Variants in ZNF317 observed in about 807,000 individuals in gnomAD.
The protein encoded by ZNF317 is zinc finger protein 317, also known as KRAB-containing zinc finger protein 317.
A neutral mutation model predicts 23.4 loss-of-function variants in ZNF317; 17 were observed. The observed-to-expected ratio is 0.73, with a 90% CI of 0.50 to 1.09. ZNF317 has a LOEUF of 1.09. Ranked by LOEUF, ZNF317 falls within the 50% of genes least tolerant of loss-of-function variation. The probability of loss-of-function intolerance (pLI) is 0.00; values close to 1 mark genes in which losing one functional copy is unlikely to be tolerated. For missense variants in ZNF317, 679 were observed against 796.7 expected (o/e 0.85, Z 1.78); for synonymous variants, 317 against 314.9 (o/e 1.01, Z -0.07).
At chr19:9,147,994 G>A (rs570788341) in intron 1 of ZNF317, among the ~76,000 whole-genome samples, 11 of 152,112 alleles carry the variant, frequency 7.2e-5, no homozygotes, top group East Asian at 5.8e-4. Flanking sequence ...CCTGAGATCC[G>A]GTCATTTACA....
At chr19:9,152,927 G>A (rs202113026) in intron 1 of ZNF317, among the ~76,000 whole-genome samples, 2 of 152,096 alleles carry the variant, frequency 1.3e-5, no homozygotes, top group East Asian at 1.9e-4. Flanking sequence ...TTGAATTTCC[G>A]TAAGGTCGGT....
intron 1 of ZNF317, among the ~76,000 whole-genome samples, chr19:9,145,806 T>C (rs2050677786): frequency 6.6e-6 from 1 of 152,222 alleles, no homozygotes; most frequent in Admixed American, 6.5e-5. Context: ...CCCTTGCATT[T>C]ATTGCTACAA....
At position 9,162,959 on chromosome 19, in the gene ZNF317, C is replaced by T. The variant is rs544257401; in HGVS notation, c.*1526C>T. 2.6e-5 allele frequency: 4 copies of T among 152,266 alleles called. No homozygotes were observed. The highest frequency in any genetic ancestry group is 2.1e-4 in the South Asian group (1 of 4,814). 9.4% of individuals were successfully genotyped at this position (152,266 alleles called of 1,614,324 possible). A position where few individuals can be genotyped will look rare whatever the true frequency, so the allele number is the denominator to read the frequency against. ...TGACAGATACTTCTAGTGACTTCCC[C>T]GGTATCCACTCTCATCTTCTTCCAA... On this transcript the variant is annotated 3_prime_UTR_variant, in exon 7 of 7. Transcript: ENST00000247956.
In ZNF317 at chr19:9,160,052, AC is replaced by A. The variant is rs2145960982; in HGVS notation, c.469-61del. The A allele has an allele frequency of 1.9e-6, 3 of 1,597,058 alleles. No individual in the cohort carries two copies. The highest frequency in any genetic ancestry group is 2.2e-5 in the East Asian group (1 of 44,688). Reference sequence around the variant, plus strand: ...GTTCATAGCAGTGTATGTGGGGATGACGCTTAGGGTTGCAATGAATATGAGA... The same window carrying A: ...GTTCATAGCAGTGTATGTGGGGATGAGCTTAGGGTTGCAATGAATATGAGA... On this transcript the variant is annotated intron_variant, in intron 6 of 6. Transcript: ENST00000247956. This position sits in a 1 kb window ranked among gnomAD's most constrained non-coding sequence, Gnocchi z 6.8.
chr19:9,161,249 G>A lies in ZNF317; in HGVS notation c.1604G>A (p.Cys535Tyr). 1 of 1,614,174 alleles carries A rather than the reference G, an allele frequency of 6.2e-7. No homozygotes were observed. The highest frequency in any genetic ancestry group is 8.5e-7 in the Non-Finnish European group (1 of 1,180,036). ...TGEKPYECDHCGKAFSIGSNL... is the reference protein window; with the variant it reads ...TGEKPYECDHYGKAFSIGSNL... ...GAGAAACCGTACGAATGCGATCACT[G>A]TGGGAAGGCCTTCAGCATAGGCTCC... Residue 535 changes from cysteine to tyrosine, a missense_variant, in exon 7 of 7, where the codon TGT (cysteine) becomes TAT (tyrosine). Physicochemically the swap from Cys to Tyr is radical, Grantham distance 194 (BLOSUM62 -2). Coordinates refer to ENST00000247956, the MANE Select transcript of ZNF317 (RefSeq NM_020933.5). This position sits in a 1 kb window ranked among gnomAD's most constrained non-coding sequence, Gnocchi z 4.0.
chr19:9,150,518 C>T (rs190105421), intron 1 of ZNF317, among the ~76,000 whole-genome samples: 42 of 152,218 alleles, frequency 2.8e-4, no homozygotes, highest in African/African-American at 9.1e-4. Context: ...GGTGTCAGCA[C>T]CTCCAAATGG....
chr19:9,160,519 G>A lies in ZNF317; in HGVS notation c.874G>A (p.Ala292Thr). ...QCGNAFRTLSALKIHMRVHTG... is the reference protein window; with the variant it reads ...QCGNAFRTLSTLKIHMRVHTG... ...TGGAAATGCATTCCGGACCCTCTCG[G>A]CCCTGAAAATCCACATGCGAGTTCA... Residue 292 changes from alanine (A) to threonine (T), a missense_variant, in exon 7 of 7, where the codon GCC becomes ACC. Transcript: ENST00000247956. The surrounding 1 kb of genome is among the most constrained non-coding windows in gnomAD (Gnocchi z 6.8). 1 of 1,614,114 alleles carries A rather than the reference G, an allele frequency of 6.2e-7. No individual in the cohort carries two copies. The highest frequency in any genetic ancestry group is 8.5e-7 in the Non-Finnish European group (1 of 1,180,032).
At position 9,156,593 on chromosome 19, in the gene ZNF317, A is replaced by G. The variant is rs533830720; in HGVS notation, c.26-19A>G. 6 of 1,611,272 alleles carry G rather than the reference A, an allele frequency of 3.7e-6. No individual in the cohort carries two copies. In the African/African-American group the frequency reaches 4.0e-5, roughly 11 times the overall value. ...ACAGGGCAGGCTCTGATTCTCATGA[A>G]CCCTGTTTTCTCCTCCAGCCACGTC... is the stretch of plus-strand genomic sequence containing the variant. On this transcript the variant is annotated intron_variant, in intron 2 of 6. Transcript: ENST00000247956.
intron 1 of ZNF317, among the ~76,000 whole-genome samples, chr19:9,150,363 G>C (rs1175033584): frequency 2.6e-5 from 4 of 152,218 alleles, no homozygotes; most frequent in Admixed American, 6.5e-5. Context: ...CAGTGTTAAA[G>C]TCTTCAGTTT....
At chr19:9,149,037 C>T (rs1204428175) in intron 1 of ZNF317, among the ~76,000 whole-genome samples, 1 of 152,186 alleles carries the variant, frequency 6.6e-6, no homozygotes, top group African/African-American at 2.4e-5. Flanking sequence ...TGACATCAGC[C>T]TGGGTTGAAC....
At chr19:9,144,063 C>T (rs540062584) in intron 1 of ZNF317, among the ~76,000 whole-genome samples, 41 of 150,682 alleles carry the variant, frequency 2.7e-4, no homozygotes, top group South Asian at 2.7e-3. Context: ...AGTGCAATGG[C>T]GCGATCTTGG....
chr19:9,160,349 C>G lies in ZNF317; in HGVS notation c.704C>G (p.Ala235Gly). Residue 235 changes from alanine to glycine, a missense_variant, in exon 7 of 7, where the codon GCG (alanine) becomes GGG (glycine). Transcript: ENST00000247956. This position sits in a 1 kb window ranked among gnomAD's most constrained non-coding sequence, Gnocchi z 6.8. Reference protein sequence around the residue: ...HQCQKAFTTSASLTRHRRIHT... With the variant: ...HQCQKAFTTSGSLTRHRRIHT... The stretch of plus-strand genomic sequence containing the variant: ...TGCCAAAAAGCCTTCACCACGAGCG[C>G]GTCCCTCACACGGCACAGGAGAATC... 6.2e-7 allele frequency: 1 copy of G among 1,614,172 alleles called. No homozygotes were observed. The highest frequency in any genetic ancestry group is 8.5e-7 in the Non-Finnish European group (1 of 1,180,032).
intron 1 of ZNF317, among the ~76,000 whole-genome samples, chr19:9,155,229 A>T (rs1299705223): frequency 6.6e-6 from 1 of 151,362 alleles, no homozygotes; most frequent in Non-Finnish European, 1.5e-5. Context: ...ACAGAATCTT[A>T]CTCTATTGCC....
rs764513496 is a variant in ZNF317, at chr19:9,160,949, C to T, written c.1304C>T (p.Thr435Ile). 34 of 1,614,050 alleles carry T rather than the reference C, an allele frequency of 2.1e-5. No homozygotes were observed. In the East Asian group the frequency reaches 4.2e-4, roughly 20 times the overall value. The change falls in exon 7 of 7, where the codon ACT (threonine) becomes ATT (isoleucine). Residue 435 changes from threonine to isoleucine, a missense_variant. By Grantham distance (89) the Thr-to-Ile change is moderately conservative. Transcript: ENST00000247956. The surrounding 1 kb of genome is among the most constrained non-coding windows in gnomAD (Gnocchi z 6.8). ...TTCCGAAACCAGTCCATCCTTAAGA[C>T]TCACATGAACTCTCACACTGGAGAG... ...KTFRNQSILK[T>I]HMNSHTGEKP...
intron 1 of ZNF317, among the ~76,000 whole-genome samples, chr19:9,150,147 TAG>T (rs1475620760): frequency 6.6e-6 from 1 of 152,088 alleles, no homozygotes; most frequent in African/African-American, 2.4e-5. Flanking sequence ...GCTGTTGCAG[TAG>T]GGATACTAAG....
At position 9,162,106 on chromosome 19, in the gene ZNF317, C is replaced by A. The variant is rs1192681802; in HGVS notation, c.*673C>A. 6.6e-6 allele frequency: 1 copy of A among 152,152 alleles called. No homozygotes were observed. Among genetic ancestry groups the A allele is most frequent in the Non-Finnish European group, 1.5e-5 (1 of 68,076 alleles). The allele number at this position is 152,152 out of a possible 1,614,324, so 9.4% of individuals were successfully genotyped here. A position where few individuals can be genotyped will look rare whatever the true frequency, so the allele number is the denominator to read the frequency against. On this transcript the variant is annotated 3_prime_UTR_variant, in exon 7 of 7. Transcript: ENST00000247956. ...AACTTGGCCGACCCTTGGTCTACAG[C>A]ACGGGTTCTCAGTCGGGCGACGATT...
chr19:9,140,647 GCCTAT>G (rs372369271), intron 1 of ZNF317, 55 bp downstream of exon 1: 88 of 450,984 alleles, frequency 2.0e-4, no homozygotes, highest in African/African-American at 1.7e-3. Flanking sequence ...GTCACGGGAG[GCCTAT>G]CTGGCGGTGA....
chr19:9,152,176 G>A (rs986725016), intron 1 of ZNF317, among the ~76,000 whole-genome samples: 2 of 152,148 alleles, frequency 1.3e-5, no homozygotes, highest in African/African-American at 4.8e-5. Flanking sequence ...AAAATGCTGG[G>A]ATTACAGGCG....
chr19:9,142,435 T>G (rs935282587), intron 1 of ZNF317, among the ~76,000 whole-genome samples: 2 of 152,192 alleles, frequency 1.3e-5, no homozygotes, highest in Non-Finnish European at 2.9e-5. Flanking sequence ...AATTGTCATT[T>G]GTGTCTGCCG....
Sources: allele counts gnomAD v4.1 joint callset (sites outside exome capture counted in the v4.1 genomes callset), GRCh38; gene constraint gnomAD v4.1.1; non-coding constraint Gnocchi (gnomAD v3.1); transcripts MANE v1.5; gene names NCBI Gene and HGNC (gene_info 2026-07-23, HGNC 2026-07-21).